CTU2: variants seen among roughly 807,000 people sequenced by gnomAD.
CTU2 encodes the protein cytosolic thiouridylase subunit 2.
CTU2 carries 80 observed loss-of-function variants against 64.1 expected under a neutral mutation model. The observed-to-expected ratio is 1.25, with a 90% CI of 1.04 to 1.50. CTU2 has a LOEUF of 1.50. Ranked by LOEUF, CTU2 falls within the 40% of genes most tolerant of loss-of-function variation. CTU2 has a pLI of 0.00. For synonymous variants in CTU2, 482 were observed against 285.3 expected (o/e 1.69, Z -6.95); for missense variants, 1,110 against 690.2 (o/e 1.61, Z -6.81).
At position 88,714,426 on chromosome 16, in the gene CTU2, G is replaced by A. The variant is rs1911700540; in HGVS notation, c.1141G>A (p.Ala381Thr). 1.2e-6 allele frequency: 2 copies of A among 1,612,558 alleles called. No homozygotes were observed. The highest frequency in any genetic ancestry group is 1.7e-6 in the Non-Finnish European group (2 of 1,179,824). ...LVKGPRDGPA[A>T]GDSGPRCLLC... is the part of the protein sequence containing the mutation. ...GAAGGGCCCCCGGGATGGCCCTGCT[G>A]CTGGCGACTCCGGCCCCCGCTGCCT... is the stretch of plus-strand genomic sequence containing the variant. The change falls in exon 11 of 15, where the codon GCT (alanine) becomes ACT (threonine). Residue 381 changes from alanine (A) to threonine (T), a missense_variant. Ala to Thr is a moderately conservative substitution (Grantham distance 58). Transcript: ENST00000453996.
chr16:88,715,370 T>TTTAA lies in CTU2; in HGVS notation c.*124_*127dup, dbSNP rs1250833686. ...GTCCATTTGTATAAATAAAACATTT[T>TTTAA]TTAATTAAAAAAAAAACTCTACAGT... is the stretch of plus-strand genomic sequence containing the variant. On this transcript the variant is annotated 3_prime_UTR_variant, in exon 15 of 15. Transcript: ENST00000453996. 3.3e-5 allele frequency: 40 copies of TTTAA among 1,212,568 alleles called. No individual in the cohort carries two copies. Among genetic ancestry groups the TTTAA allele is most frequent in the East Asian group, 1.0e-4 (4 of 39,270 alleles). 75.1% of individuals were successfully genotyped at this position (1,212,568 alleles called of 1,614,324 possible).
Position 88,713,667 on chromosome 16 carries a change from C to A in CTU2, c.894C>A (p.His298Gln). Residue 298 changes from histidine to glutamine, a missense_variant, in exon 9 of 15, where the codon CAC becomes CAA. By Grantham distance (24) the His-to-Gln change is conservative. Transcript: ENST00000453996. Reference sequence around the variant, plus strand: ...CGCAGGGCTTCTCGGATGAGCGGCACGGGGACGTGGTGGTGGTGCGGCCCA... The same window carrying A: ...CGCAGGGCTTCTCGGATGAGCGGCAAGGGGACGTGGTGGTGGTGCGGCCCA... Reference protein sequence around the residue: ...AWDTGFSDERHGDVVVVRPMR... With the variant: ...AWDTGFSDERQGDVVVVRPMR... 1 of 1,612,496 alleles carries A rather than the reference C, an allele frequency of 6.2e-7. No homozygotes were observed. The highest frequency in any genetic ancestry group is 8.5e-7 in the Non-Finnish European group (1 of 1,179,816).
At chr16:88,708,798 T>G (rs1462976779) in intron 2 of CTU2, among the ~76,000 whole-genome samples, 2 of 152,096 alleles carry the variant, frequency 1.3e-5, no homozygotes, top group Non-Finnish European at 2.9e-5. Context: ...CATTGTCCGC[T>G]CTGTACCGGG....
At chr16:88,710,513 A>T (rs1911233110) in intron 4 of CTU2, 1 of 554,878 alleles carries the variant, frequency 1.8e-6, no homozygotes, top group East Asian at 3.0e-5. Context: ...CAGGTGCACA[A>T]ATCAGAAGCT....
In CTU2 at chr16:88,714,489, C is replaced by T. The variant is rs1443420851; in HGVS notation, c.1201+3C>T. On this transcript the variant is annotated splice_donor_region_variant and intron_variant, in intron 11 of 14. Coordinates refer to ENST00000453996, the MANE Select transcript of CTU2 (RefSeq NM_001012759.3). The stretch of plus-strand genomic sequence containing the variant: ...TGCCCTGGACGTCGACGCCGCTGGT[C>T]TGTGTTTCATGCTCTTGGGGTGATG... 3.1e-6 allele frequency: 5 copies of T among 1,612,484 alleles called. No individual in the cohort carries two copies. Among genetic ancestry groups the T allele is most frequent in the Admixed American group, 1.7e-5 (1 of 59,998 alleles).
At position 88,711,695 on chromosome 16, in the gene CTU2, G is replaced by C; in HGVS notation, c.343G>C (p.Glu115Gln). Residue 115 changes from glutamate (E) to glutamine (Q), a missense_variant and splice_region_variant, in exon 5 of 15, where the codon GAG becomes CAG. Glu to Gln is a conservative substitution (Grantham distance 29). Coordinates refer to ENST00000453996, the MANE Select transcript of CTU2 (RefSeq NM_001012759.3). ...TGTGGCAGGAGTCATCTTTGTTGAC[G>C]GTATGTGGGGCCATTGCTCCTCCTA... ...RFVAGVIFVD[E>Q]GAACGQSLEE... The C allele has an allele frequency of 1.2e-6, 2 of 1,608,040 alleles. No homozygotes were observed. Among genetic ancestry groups the C allele is most frequent in the Non-Finnish European group, 1.7e-6 (2 of 1,176,082 alleles).
At chr16:88,710,437 A>T (rs1911225233) in intron 4 of CTU2, 155 bp downstream of exon 4, 1 of 677,722 alleles carries the variant, frequency 1.5e-6, no homozygotes, top group African/African-American at 1.9e-5. Flanking sequence ...TGTTCACAAC[A>T]GGTGCACCAA....
At chr16:88,706,942 G>C (rs144162256) in intron 1 of CTU2, 194 bp from the exon 2 acceptor site, 1 of 601,630 alleles carries the variant, frequency 1.7e-6, no homozygotes, top group Non-Finnish European at 2.9e-6. Context: ...GGCTTTTCTA[G>C]GCTAAACATC....
At chr16:88,713,288 C>G in intron 7 of CTU2, 24 bp from the exon 8 acceptor site, 1 of 1,543,502 alleles carries the variant, frequency 6.5e-7, no homozygotes, top group Non-Finnish European at 8.8e-7. Context: ...ACCCCCCAGG[C>G]CCCTGAGACG....
intron 7 of CTU2, among the ~76,000 whole-genome samples, 175 bp downstream of exon 7, chr16:88,713,080 TGCCCGAGAGCCCCCTTCCCCGGGCCCTG>T (rs1911486239): frequency 1.2e-4 from 1 of 8,662 alleles, no homozygotes; most frequent in Non-Finnish European, 2.3e-4. Flanking sequence ...CCCCCACTCA[TGCCCGAGAGCCCCCTTCCCCGGGCCCTG>T]ACCCCCACTC....
chr16:88,708,907 A>G (rs548572955), intron 2 of CTU2: 2 of 152,326 alleles, frequency 1.3e-5, no homozygotes, highest in African/African-American at 4.8e-5. Flanking sequence ...GGTTTGTGCA[A>G]TTCTAACATA....
Position 88,710,018 on chromosome 16 carries a change from T to C in CTU2, c.222+2T>C. 6.2e-7 allele frequency: 1 copy of C among 1,613,706 alleles called. No individual in the cohort carries two copies. The highest frequency in any genetic ancestry group is 8.5e-7 in the Non-Finnish European group (1 of 1,179,942). On this transcript the variant is annotated splice_donor_variant, in intron 3 of 14. Transcript: ENST00000453996. LOFTEE classifies it high-confidence loss of function. Reference sequence around the variant, plus strand: ...CGGCTCATCTTTCCAGGCGAGAAGGTAGCGTCTGGGTCCTGGGGGTCTGAC... The same window carrying C: ...CGGCTCATCTTTCCAGGCGAGAAGGCAGCGTCTGGGTCCTGGGGGTCTGAC...
Position 88,710,212 on chromosome 16 carries a change from T to G in CTU2, c.223-11T>G, listed in dbSNP as rs1254521119. The G allele has an allele frequency of 3.1e-6, 5 of 1,614,008 alleles. No individual in the cohort carries two copies. In the Admixed American group the frequency reaches 8.3e-5, roughly 27 times the overall value. The stretch of plus-strand genomic sequence containing the variant: ...GGTGCGGTGCCCTGAGTGATGTTTT[T>G]TCTCCCCCAGGTGCTCTTGGCGTGG... On this transcript the variant is annotated splice_polypyrimidine_tract_variant and intron_variant, in intron 3 of 14. Transcript: ENST00000453996.
Position 88,714,208 on chromosome 16 carries a change from A to G in CTU2, c.1078A>G (p.Thr360Ala), listed in dbSNP as rs1348514802. The change falls in exon 10 of 15, where the codon ACT becomes GCT. Residue 360 changes from threonine (T) to alanine (A), a missense_variant. Transcript: ENST00000453996. ...ILRLQTQFPSTVSTVYRTSEK... is the reference protein window; with the variant it reads ...ILRLQTQFPSAVSTVYRTSEK... ...CAGGCTGCAGACCCAGTTCCCCTCC[A>G]CTGTCAGCACTGTGTACAGGTGTGG... 3 of 1,604,290 alleles carry G rather than the reference A, an allele frequency of 1.9e-6. No homozygotes were observed. The highest frequency in any genetic ancestry group is 1.4e-5 in the African/African-American group (1 of 72,136).
intron 2 of CTU2, among the ~76,000 whole-genome samples, chr16:88,707,927 C>G (rs1235981289): frequency 6.6e-6 from 1 of 152,132 alleles, no homozygotes; most frequent in Non-Finnish European, 1.5e-5. Context: ...TCTCCTGCCT[C>G]AGCCTCCTGA....
chr16:88,710,531 C>T lies in CTU2; in HGVS notation c.282+249C>T, dbSNP rs143074222. ...GTGCACAAATCAGAAGCTGGGTCCA[C>T]AGCGCGTGTGTGCGGCCCACTCTCA... On this transcript the variant is annotated intron_variant, in intron 4 of 14. Coordinates refer to ENST00000453996, the MANE Select transcript of CTU2 (RefSeq NM_001012759.3). 2,726 of 531,118 alleles carry T rather than the reference C, an allele frequency of 5.1e-3. 63 individuals are homozygous for T. Among genetic ancestry groups the T allele is most frequent in the African/African-American group, 0.049 (2,478 of 50,354 alleles). The allele number at this position is 531,118 out of a possible 1,614,324, so 32.9% of individuals were successfully genotyped here.
In CTU2 at chr16:88,714,220, G is replaced by C. The variant is rs1911656206; in HGVS notation, c.1090G>C (p.Val364Leu). Residue 364 changes from valine to leucine, a missense_variant, in exon 10 of 15, where the codon GTG (valine) becomes CTG (leucine). Coordinates refer to ENST00000453996, the MANE Select transcript of CTU2 (RefSeq NM_001012759.3). ...QTQFPSTVST[V>L]YRTSEKLVKG... ...CCAGTTCCCCTCCACTGTCAGCACT[G>C]TGTACAGGTGTGGGTGTGTGTGGGT... is the stretch of plus-strand genomic sequence containing the variant. 1 of 1,502,904 alleles carries C rather than the reference G, an allele frequency of 6.7e-7. No individual in the cohort carries two copies. The highest frequency in any genetic ancestry group is 2.1e-5 in the African/African-American group (1 of 48,536). 93.1% of individuals were successfully genotyped at this position (1,502,904 alleles called of 1,614,324 possible).
chr16:88,714,733 A>AGGAGGTGAGTC lies in CTU2; in HGVS notation c.1349_1352+7dup. On this transcript the variant is annotated stop_gained and frameshift_variant, in exon 12 of 15. Transcript: ENST00000453996. LOFTEE classifies it high-confidence loss of function. ...CCAGCGCTGTGGCCAGGGGGCCTGC[A>AGGAGGTGAGTC]GGAGGTGAGTCCCTGTCCCTGCCAC... is the stretch of plus-strand genomic sequence containing the variant. 6.2e-7 allele frequency: 1 copy of AGGAGGTGAGTC among 1,607,480 alleles called. No individual in the cohort carries two copies. Among genetic ancestry groups the AGGAGGTGAGTC allele is most frequent in the Non-Finnish European group, 8.5e-7 (1 of 1,176,970 alleles).
In CTU2 at chr16:88,706,598, G is replaced by A. The variant is rs536176202; in HGVS notation, c.68G>A (p.Ser23Asn). 4 of 1,432,692 alleles carry A rather than the reference G, an allele frequency of 2.8e-6. No individual in the cohort carries two copies. In the East Asian group the frequency reaches 1.2e-4, roughly 43 times the overall value. 88.7% of individuals were successfully genotyped at this position (1,432,692 alleles called of 1,614,324 possible). ...PEEPPPAPRP[S>N]REQKCVKCKE... is the part of the protein sequence containing the mutation. Reference sequence around the variant, plus strand: ...GAGCCGCCCCCGGCGCCGCGGCCCAGGTAAGAGCTGGCGGCCGGACCCGCC... The same window carrying A: ...GAGCCGCCCCCGGCGCCGCGGCCCAAGTAAGAGCTGGCGGCCGGACCCGCC... The change falls in exon 1 of 15, where the codon AGC becomes AAC. Residue 23 changes from serine to asparagine, a missense_variant and splice_region_variant. Coordinates refer to ENST00000453996, the MANE Select transcript of CTU2 (RefSeq NM_001012759.3).
Sources: gnomAD v4.1 joint callset for allele counts (sites outside exome capture counted in the v4.1 genomes callset) on GRCh38, gnomAD v4.1.1 for gene constraint, MANE v1.5 for transcripts, NCBI Gene and HGNC (gene_info 2026-07-23, HGNC 2026-07-21) for gene names.